TMC6: variants seen among roughly 807,000 people sequenced by gnomAD.
TMC6 encodes transmembrane channel like 6, also known as transmembrane channel-like protein 6.
Under a neutral mutation model 95.4 loss-of-function variants are expected in TMC6, and 71 were observed. The observed-to-expected ratio is 0.74, with a 90% CI of 0.61 to 0.91. The LOEUF is 0.91. Ranked by LOEUF, TMC6 falls within the 40% of genes least tolerant of loss-of-function variation. The probability of loss-of-function intolerance (pLI) is 0.00; values close to 1 mark genes in which losing one functional copy is unlikely to be tolerated. For synonymous variants in TMC6, 514 were observed against 483.1 expected (o/e 1.06, Z -0.84); for missense variants, 1,074 against 1,079.1 (o/e 1.00, Z 0.07).
In TMC6 at chr17:78,112,843, C is replaced by T. The variant is rs535753352; in HGVS notation, c.*305G>A. ...CTGAGGTTCCCAGGACCCAGACCTG[C>T]GCCTGGAGGTGGCCCCAGGGCAGCG... On this transcript the variant is annotated 3_prime_UTR_variant, in exon 20 of 20. Coordinates refer to ENST00000590602, the MANE Select transcript of TMC6 (RefSeq NM_001127198.5). The T allele has an allele frequency of 2.9e-4, 137 of 465,542 alleles. No individual in the cohort carries two copies. Among genetic ancestry groups the T allele is most frequent in the Non-Finnish European group, 4.5e-4 (116 of 260,406 alleles). The allele number at this position is 465,542 out of a possible 1,614,324, so 28.8% of individuals were successfully genotyped here.
chr17:78,125,196 G>T lies in TMC6; in HGVS notation c.498C>A (p.Arg166=). The change falls in exon 6 of 20, where the codon CGC becomes CGA. Residue 166 remains arginine, a synonymous_variant. Coordinates refer to ENST00000590602, the MANE Select transcript of TMC6 (RefSeq NM_001127198.5). Reference sequence around the variant, plus strand: ...TCTCAGCCAGGCTTAAGGGCATCCCGCGAAGCATGTGGTCCCGCTGTGCCA... The same window carrying T: ...TCTCAGCCAGGCTTAAGGGCATCCCTCGAAGCATGTGGTCCCGCTGTGCCA... ...LAVAQRDHML[R]GMPLSLAEKR... 6.3e-7 allele frequency: 1 copy of T among 1,587,060 alleles called. No homozygotes were observed. Among genetic ancestry groups the T allele is most frequent in the African/African-American group, 1.3e-5 (1 of 74,680 alleles).
chr17:78,119,012 C>A lies in TMC6; in HGVS notation c.1846G>T (p.Val616Leu). 6.2e-7 allele frequency: 1 copy of A among 1,604,302 alleles called. No homozygotes were observed. The highest frequency in any genetic ancestry group is 8.5e-7 in the Non-Finnish European group (1 of 1,175,844). ...GVLFSPLLPAVQIIKLLLVFY... is the reference protein window; with the variant it reads ...GVLFSPLLPALQIIKLLLVFY... Reference sequence around the variant, plus strand: ...ACGAGCAGCAGCTTGATGATCTGCACGGCGGGGAGGAGGGGCGAGAAGAGC... The same window carrying A: ...ACGAGCAGCAGCTTGATGATCTGCAAGGCGGGGAGGAGGGGCGAGAAGAGC... The change falls in exon 15 of 20, where the codon GTG becomes TTG. Residue 616 changes from valine (V) to leucine (L), a missense_variant. Transcript: ENST00000590602.
Position 78,121,814 on chromosome 17 carries a change from G to A in TMC6, c.1228-103C>T. The A allele has an allele frequency of 1.4e-6, 2 of 1,432,710 alleles. No individual in the cohort carries two copies. The highest frequency in any genetic ancestry group is 2.5e-5 in the East Asian group (1 of 40,076). 88.7% of individuals were successfully genotyped at this position (1,432,710 alleles called of 1,614,324 possible). A position where few individuals can be genotyped will look rare whatever the true frequency, so the allele number is the denominator to read the frequency against. ...ACAACACACATGAGACACACCAGGAGGCTTGAACCAGGACAGAGGGCCAGT... is the reference window on the plus strand; with the variant it reads ...ACAACACACATGAGACACACCAGGAAGCTTGAACCAGGACAGAGGGCCAGT... On this transcript the variant is annotated intron_variant, in intron 10 of 19. Transcript: ENST00000590602. The surrounding 1 kb of genome is among the most constrained non-coding windows in gnomAD (Gnocchi z 5.6).
At position 78,120,907 on chromosome 17, in the gene TMC6, G is replaced by A. The variant is rs146977134; in HGVS notation, c.1536-75C>T. On this transcript the variant is annotated intron_variant, in intron 12 of 19. Coordinates refer to ENST00000590602, the MANE Select transcript of TMC6 (RefSeq NM_001127198.5). Reference sequence around the variant, plus strand: ...GATGCACCCCAGGGCCCCCACCAGGGGCTTGGTCACACCGGCCTCATCCTA... The same window carrying A: ...GATGCACCCCAGGGCCCCCACCAGGAGCTTGGTCACACCGGCCTCATCCTA... 66 of 1,611,686 alleles carry A rather than the reference G, an allele frequency of 4.1e-5. No homozygotes were observed. The East Asian group carries it at 1.4e-3, about 35-fold the overall frequency.
rs776139435 is a variant in TMC6, at chr17:78,109,669, G to A, written c.*3479C>T. On this transcript the variant is annotated 3_prime_UTR_variant, in exon 20 of 20. Transcript: ENST00000590602. ...CATTTCCGAAGCCCCCCAAGCCCACGGGCGTGAGTGCATGCATGCGTTTGT... is the reference window on the plus strand; with the variant it reads ...CATTTCCGAAGCCCCCCAAGCCCACAGGCGTGAGTGCATGCATGCGTTTGT... 49 of 417,224 alleles carry A rather than the reference G, an allele frequency of 1.2e-4. No homozygotes were observed. The highest frequency in any genetic ancestry group is 3.5e-4 in the Middle Eastern group (1 of 2,882). 25.8% of individuals were successfully genotyped at this position (417,224 alleles called of 1,614,324 possible).
intron 9 of TMC6, among the ~76,000 whole-genome samples, chr17:78,123,436 T>C (rs2074514874): frequency 6.7e-6 from 1 of 150,372 alleles, no homozygotes. Flanking sequence ...AGGAGGTGGA[T>C]GGATGTGCGA....
chr17:78,123,072 T>A, intron 9 of TMC6: 1 of 464,362 alleles, frequency 2.2e-6, no homozygotes, highest in Non-Finnish European at 4.0e-6. Context: ...CTGGTCCCAA[T>A]GACCAAAACA....
intron 8 of TMC6, 34 bp downstream of exon 8, chr17:78,124,490 C>T (rs777353360): frequency 1.9e-5 from 30 of 1,602,342 alleles, no homozygotes; most frequent in Non-Finnish European, 2.5e-5. Context: ...AGAAGACAGG[C>T]ACCCCCCGTC....
chr17:78,126,782 G>T lies in TMC6; in HGVS notation c.51C>A (p.Asp17Glu), dbSNP rs1487284138. ...FILDVPETPG[D>E]QGQGPSPYDE... is the part of the protein sequence containing the mutation. ...CCCAGCCCCAGAGCGCTTACCCCTG[G>T]TCCCCTGGGGTCTCAGGGACATCGA... Residue 17 changes from aspartate to glutamate, a missense_variant, in exon 2 of 20, where the codon GAC becomes GAA. Physicochemically the swap from Asp to Glu is conservative, Grantham distance 45 (BLOSUM62 2). Transcript: ENST00000590602. The T allele has an allele frequency of 6.2e-7, 1 of 1,613,098 alleles. No homozygotes were observed. Among genetic ancestry groups the T allele is most frequent in the African/African-American group, 1.3e-5 (1 of 74,886 alleles).
chr17:78,129,116 G>A (rs55952362), upstream of TMC6, among the ~76,000 whole-genome samples: 40 of 115,628 alleles, frequency 3.5e-4, no homozygotes, highest in Middle Eastern at 8.5e-3. The surrounding 1 kb of genome is among the most constrained non-coding windows in gnomAD (Gnocchi z 4.3). Flanking sequence ...ATTGGGCAGC[G>A]CCCCCCCCCC....
chr17:78,131,598 C>T (rs2074967736), upstream of TMC6: 1 of 1,546,622 alleles, frequency 6.5e-7, no homozygotes. Flanking sequence ...GATGCTGCTG[C>T]CGCGGTCGGT....
At chr17:78,114,778 C>T (rs931085377) in intron 18 of TMC6, among the ~76,000 whole-genome samples, 3 of 152,226 alleles carry the variant, frequency 2.0e-5, no homozygotes, top group African/African-American at 7.2e-5. Context: ...TATGGAGGGG[C>T]TGTGCACTTG....
intron 1 of TMC6, chr17:78,127,125 A>C (rs2074759008): frequency 1.2e-5 from 7 of 567,066 alleles, no homozygotes; most frequent in Non-Finnish European, 2.2e-5. Flanking sequence ...GGGAGAGAGG[A>C]AGGAAGGGTG....
chr17:78,131,615 G>A, upstream of TMC6: 12 of 1,549,788 alleles, frequency 7.7e-6, no homozygotes, highest in Non-Finnish European at 1.0e-5. Flanking sequence ...CGGTGTCATC[G>A]GAGCGGGCCC....
At chr17:78,132,313 A>AGCCCCG, upstream of TMC6, 2 of 1,605,992 alleles carry the variant, frequency 1.2e-6, no homozygotes, top group Non-Finnish European at 1.7e-6. Context: ...GCGCGGCCCC[A>AGCCCCG]GCCCCGGCCC....
In TMC6 at chr17:78,121,628, C is replaced by G. The variant is rs921968606; in HGVS notation, c.1311G>C (p.Val437=). 6.2e-7 allele frequency: 1 copy of G among 1,608,420 alleles called. No homozygotes were observed. Residue 437 remains valine, a synonymous_variant, in exon 11 of 20, where the codon GTG becomes GTC. Coordinates refer to ENST00000590602, the MANE Select transcript of TMC6 (RefSeq NM_001127198.5). The surrounding 1 kb of genome is among the most constrained non-coding windows in gnomAD (Gnocchi z 5.6). ...GCGCGGTCCCCAGACACAGCAGCCACACAAGCCCCAGCACAGCCGCCTGCC... is the reference window on the plus strand; with the variant it reads ...GCGCGGTCCCCAGACACAGCAGCCAGACAAGCCCCAGCACAGCCGCCTGCC... ...RLRQAAVLGL[V]WLLCLGTALG... is the part of the protein sequence containing the mutation.
chr17:78,122,900 C>G lies in TMC6; in HGVS notation c.1083-151G>C. The G allele has an allele frequency of 2.9e-6, 3 of 1,039,800 alleles. No individual in the cohort carries two copies. Among genetic ancestry groups the G allele is most frequent in the South Asian group, 2.8e-5 (2 of 71,430 alleles). The allele number at this position is 1,039,800 out of a possible 1,614,324, so 64.4% of individuals were successfully genotyped here. A position where few individuals can be genotyped will look rare whatever the true frequency, so the allele number is the denominator to read the frequency against. On this transcript the variant is annotated intron_variant, in intron 9 of 19. Coordinates refer to ENST00000590602, the MANE Select transcript of TMC6 (RefSeq NM_001127198.5). This position sits in a 1 kb window ranked among gnomAD's most constrained non-coding sequence, Gnocchi z 4.9. ...ACTGGGCCTCCTGCCACACCCCTGC[C>G]CCACCACCAGCCCTCTACACCAGTC... is the stretch of plus-strand genomic sequence containing the variant.
In TMC6 at chr17:78,120,997, A is replaced by G. The variant is rs770798041; in HGVS notation, c.1535+16T>C. The G allele has an allele frequency of 6.2e-7, 1 of 1,613,178 alleles. No homozygotes were observed. The highest frequency in any genetic ancestry group is 8.5e-7 in the Non-Finnish European group (1 of 1,180,008). On this transcript the variant is annotated intron_variant, in intron 12 of 19. Transcript: ENST00000590602. ...AGCTCCAGCACCAAATGATGTTTTC[A>G]TGTGCGGCCACACACCTGCAGATGG...
intron 15 of TMC6, 85 bp from the exon 16 acceptor site, chr17:78,118,020 G>C (rs62079068): frequency 6.5e-7 from 1 of 1,545,108 alleles, no homozygotes; most frequent in African/African-American, 1.4e-5. Flanking sequence ...AGGGAAGGGC[G>C]ACCAGGGCTG....
Sources: allele counts gnomAD v4.1 joint callset (sites outside exome capture counted in the v4.1 genomes callset), GRCh38; gene constraint gnomAD v4.1.1; non-coding constraint Gnocchi (gnomAD v3.1); transcripts MANE v1.5; gene names NCBI Gene and HGNC (gene_info 2026-07-23, HGNC 2026-07-21).